The following COL5A2 variants were observed in gnomAD, a reference collection of about 807,000 sequenced individuals.
The protein encoded by COL5A2 is collagen type V alpha 2 chain.
A neutral mutation model predicts 208.2 loss-of-function variants in COL5A2; 23 were observed. The observed-to-expected ratio is 0.11, with a 90% confidence interval of 0.08 to 0.16. The LOEUF is 0.16. COL5A2 is among the 10% of genes least tolerant of loss of function. The pLI, the probability that COL5A2 is intolerant of heterozygous loss-of-function variation, is 1.00. For missense variants in COL5A2, 1,590 were observed against 1,956.4 expected (o/e 0.81, Z 3.53); for synonymous variants, 625 against 628.5 (o/e 0.99, Z 0.08).
At chr2:189,035,286 TAAAG>T (rs1685422080) in intron 52 of COL5A2, 131 bp from the exon 53 acceptor site, 1 of 1,190,750 alleles carries the variant, frequency 8.4e-7, no homozygotes, top group Non-Finnish European at 1.2e-6. Flanking sequence ...ATTCTTGTCA[TAAAG>T]TAAGCTATTC....
At position 189,048,254 on chromosome 2, in the gene COL5A2, A is replaced by C. The variant is rs1685712090; in HGVS notation, c.3156T>G (p.Ala1052=). Residue 1052 remains alanine, a synonymous_variant, in exon 45 of 54, where the codon GCT becomes GCG. Coordinates refer to ENST00000374866, the MANE Select transcript of COL5A2 (RefSeq NM_000393.5). ...PVGEPGPEGP[A]GNDGTPGRDG... ...CCCGTCCTGGGGTACCATCATTGCC[A>C]GCTGGACCCTATAAAGAATAATGGT... 1.2e-6 allele frequency: 2 copies of C among 1,613,990 alleles called. No homozygotes were observed. The highest frequency in any genetic ancestry group is 2.7e-5 in the African/African-American group (2 of 75,054).
intron 1 of COL5A2, among the ~76,000 whole-genome samples, chr2:189,206,187 AC>A (rs1431422209): frequency 6.6e-6 from 1 of 152,190 alleles, no homozygotes; most frequent in Non-Finnish European, 1.5e-5. Flanking sequence ...GAAGTGGGGA[AC>A]CGGGAAGGGC....
intron 1 of COL5A2, among the ~76,000 whole-genome samples, chr2:189,209,119 T>C (rs1172007352): frequency 2.0e-5 from 3 of 152,204 alleles, no homozygotes; most frequent in Non-Finnish European, 4.4e-5. Flanking sequence ...CCCTGCACTA[T>C]ATAGGTGGTA....
At chr2:189,284,884 C>A in the COL5A2 span, among the ~76,000 whole-genome samples, 3 of 152,096 alleles carry the variant, frequency 2.0e-5, no homozygotes, top group South Asian at 2.1e-4. Context: ...ACTGTTCATG[C>A]CTTGTTATGT....
the COL5A2 span, among the ~76,000 whole-genome samples, chr2:189,396,932 A>T: frequency 3.8e-4 from 57 of 148,412 alleles, no homozygotes; most frequent in East Asian, 0.011. Flanking sequence ...TGGAGGTTGC[A>T]GTGAGCCAAG....
the COL5A2 span, among the ~76,000 whole-genome samples, chr2:189,427,053 G>A: frequency 6.6e-6 from 1 of 152,232 alleles, no homozygotes; most frequent in Non-Finnish European, 1.5e-5. Flanking sequence ...GACAATGGGA[G>A]AAAGACCTCA....
intron 44 of COL5A2, among the ~76,000 whole-genome samples, chr2:189,048,842 C>G (rs1032469969): frequency 3.9e-5 from 6 of 152,148 alleles, no homozygotes; most frequent in African/African-American, 1.4e-4. Context: ...CCTTTAACTT[C>G]TCAAATTGCC....
chr2:189,344,115 G>A, the COL5A2 span, among the ~76,000 whole-genome samples: 1 of 152,086 alleles, frequency 6.6e-6, no homozygotes, highest in South Asian at 2.1e-4. Flanking sequence ...ATTGAAATGT[G>A]TATACACACA....
rs1685850301 is a variant in COL5A2 at position 189,054,103 on chromosome 2, G to A, written c.2445+56C>T. The A allele has an allele frequency of 1.0e-5, 15 of 1,488,460 alleles. No homozygotes were observed. The East Asian group carries it at 3.4e-4, about 34-fold the overall frequency. The allele number at this position is 1,488,460 out of a possible 1,614,324, so 92.2% of individuals were successfully genotyped here. On this transcript the variant is annotated intron_variant, in intron 36 of 53. Coordinates refer to ENST00000374866, the MANE Select transcript of COL5A2 (RefSeq NM_000393.5). ...ATAAAATGAAAAGATTTATGAAAGAGCCTGCTATTCAGGACTCATAATTTT... is the reference window on the plus strand; with the variant it reads ...ATAAAATGAAAAGATTTATGAAAGAACCTGCTATTCAGGACTCATAATTTT...
At position 189,049,661 on chromosome 2, in the gene COL5A2, A is replaced by G. The variant is rs10931391; in HGVS notation, c.3040-207T>C. The stretch of plus-strand genomic sequence containing the variant: ...CCTCTTGACGTATCTAAGGGACCAA[A>G]AACCAACCATCTGTTGCCACCAGCA... On this transcript the variant is annotated intron_variant, in intron 43 of 53. Coordinates refer to ENST00000374866, the MANE Select transcript of COL5A2 (RefSeq NM_000393.5). Among the ~76,000 whole-genome samples, 17,528 of 152,186 alleles carry G rather than the reference A, an allele frequency of 0.12. 1,067 individuals are homozygous for G. The highest frequency in any genetic ancestry group is 0.18 in the Middle Eastern group (52 of 294).
the COL5A2 span, among the ~76,000 whole-genome samples, chr2:189,324,156 T>C: frequency 2.0e-5 from 3 of 152,182 alleles, no homozygotes; most frequent in Non-Finnish European, 4.4e-5. Flanking sequence ...CCTTACACCT[T>C]ATACAAAAAT....
the COL5A2 span, among the ~76,000 whole-genome samples, chr2:189,280,041 AG>A: frequency 6.6e-6 from 1 of 152,118 alleles, no homozygotes; most frequent in African/African-American, 2.4e-5. Flanking sequence ...AAAGTTACAG[AG>A]AGAAGACAGC....
At chr2:189,071,237 G>A (rs948579306) in intron 18 of COL5A2, among the ~76,000 whole-genome samples, 3 of 152,136 alleles carry the variant, frequency 2.0e-5, no homozygotes, top group African/African-American at 4.8e-5. Context: ...GTCCGTGACC[G>A]CAGTCATTTT....
At chr2:189,060,588 A>G (rs1686008110) in intron 31 of COL5A2, 142 bp downstream of exon 31, 1 of 708,936 alleles carries the variant, frequency 1.4e-6, no homozygotes, top group Admixed American at 2.3e-5. Context: ...GGAGATAATG[A>G]TAGTACCTAG....
the COL5A2 span, among the ~76,000 whole-genome samples, chr2:189,290,373 G>A: frequency 6.6e-6 from 1 of 152,170 alleles, no homozygotes; most frequent in Non-Finnish European, 1.5e-5. Context: ...ATTTGACAAA[G>A]AAGTCTGAAA....
At chr2:189,158,494 A>G (rs1457612478) in intron 1 of COL5A2, among the ~76,000 whole-genome samples, 1 of 152,078 alleles carries the variant, frequency 6.6e-6, no homozygotes, top group African/African-American at 2.4e-5. Context: ...TATGAACCAA[A>G]TGGCTACTGT....
chr2:189,345,044 A>C, the COL5A2 span, among the ~76,000 whole-genome samples: 4 of 152,184 alleles, frequency 2.6e-5, no homozygotes, highest in African/African-American at 9.7e-5. Flanking sequence ...TGCAAAAGGA[A>C]TTAGGGAGGG....
intron 1 of COL5A2, among the ~76,000 whole-genome samples, chr2:189,153,295 C>T (rs1335660471): frequency 6.6e-6 from 1 of 152,170 alleles, no homozygotes; most frequent in African/African-American, 2.4e-5. Flanking sequence ...ATGCTCTTCA[C>T]ATACATTATT....
chr2:189,394,177 G>C, the COL5A2 span, among the ~76,000 whole-genome samples: 2 of 152,056 alleles, frequency 1.3e-5, no homozygotes, highest in Admixed American at 1.3e-4. Flanking sequence ...CTTGGATAAT[G>C]TTGATTTTAA....
Sources: gnomAD v4.1 joint callset for allele counts (sites outside exome capture counted in the v4.1 genomes callset) on GRCh38, gnomAD v4.1.1 for gene constraint, MANE v1.5 for transcripts, NCBI Gene and HGNC (gene_info 2026-07-23, HGNC 2026-07-21) for gene names.